Variants in CFAP418 observed in about 807,000 individuals in gnomAD.
CFAP418 encodes cilia and flagella associated protein 418.
A neutral mutation model predicts 24.7 loss-of-function variants in CFAP418; 27 were observed. That is an observed-to-expected ratio of 1.09 (90% CI 0.81 to 1.51). CFAP418 has a LOEUF of 1.51. Ranked by LOEUF, CFAP418 falls within the 40% of genes most tolerant of loss-of-function variation. The pLI, the probability that CFAP418 is intolerant of heterozygous loss-of-function variation, is 0.00. For synonymous variants in CFAP418, 74 were observed against 87.3 expected, an observed-to-expected ratio of 0.85 and a Z score of 0.85; for missense variants, 257 against 255.2, an observed-to-expected ratio of 1.01 and a Z score of -0.05.
intron 5 of CFAP418, among the ~76,000 whole-genome samples, chr8:95,249,238 C>T (rs138748189): frequency 6.6e-5 from 10 of 152,218 alleles, no homozygotes; most frequent in African/African-American, 2.2e-4. Flanking sequence ...TTAAAATGCA[C>T]GTATCTTAAA....
At chr8:95,263,980 C>T (rs1016283049) in intron 1 of CFAP418, among the ~76,000 whole-genome samples, 1 of 152,078 alleles carries the variant, frequency 6.6e-6, no homozygotes, top group Admixed American at 6.5e-5. Context: ...ATGTTCTATA[C>T]TATTACATAC....
intron 5 of CFAP418, among the ~76,000 whole-genome samples, chr8:95,249,691 A>C (rs1252601494): frequency 6.6e-6 from 1 of 152,156 alleles, no homozygotes; most frequent in East Asian, 1.9e-4. Context: ...TCTCAAAGAT[A>C]GGATACATTT....
chr8:95,268,941 G>A, intron 1 of CFAP418, 94 bp downstream of exon 1: 1 of 1,376,514 alleles, frequency 7.3e-7, no homozygotes, highest in Admixed American at 2.1e-5. Flanking sequence ...TGGAGGTCGC[G>A]GGCACGTTTC....
chr8:95,259,767 C>A, intron 4 of CFAP418, 73 bp downstream of exon 4: 1 of 1,060,656 alleles, frequency 9.4e-7, no homozygotes, highest in Non-Finnish European at 1.4e-6. Flanking sequence ...AAGATGATAA[C>A]TACATTTTAA....
At chr8:95,268,720 T>G in intron 1 of CFAP418, 1 of 174,584 alleles carries the variant, frequency 5.7e-6, no homozygotes, top group Non-Finnish European at 1.1e-5. Flanking sequence ...AGAAACAGGA[T>G]GAAGGAGACT....
intron 4 of CFAP418, among the ~76,000 whole-genome samples, chr8:95,258,330 C>G: frequency 7.2e-6 from 1 of 138,770 alleles, no homozygotes; most frequent in East Asian, 2.1e-4. Context: ...TGCAGAGAGC[C>G]GAGACTGCGC....
intron 4 of CFAP418, among the ~76,000 whole-genome samples, chr8:95,255,468 C>T (rs1587352177): frequency 1.3e-5 from 2 of 152,202 alleles, no homozygotes; most frequent in Admixed American, 1.3e-4. Flanking sequence ...GAGAAGTATT[C>T]CCTGACCCTT....
intron 4 of CFAP418, among the ~76,000 whole-genome samples, chr8:95,255,913 C>A (rs1482057061): frequency 2.6e-5 from 4 of 152,224 alleles, no homozygotes; most frequent in Non-Finnish European, 5.9e-5. Flanking sequence ...AATTCTGTTT[C>A]ATGAAAGGGG....
intron 5 of CFAP418, 134 bp downstream of exon 5, chr8:95,252,054 T>G: frequency 1.6e-6 from 1 of 626,768 alleles, no homozygotes. Flanking sequence ...TGAAGCATCA[T>G]AACGCAGCAC....
rs1335820231 is a variant in CFAP418 at position 95,269,026 on chromosome 8, C to G, written c.155+9G>C. 6.2e-7 allele frequency: 1 copy of G among 1,613,326 alleles called. No individual in the cohort carries two copies. The highest frequency in any genetic ancestry group is 8.5e-7 in the Non-Finnish European group (1 of 1,179,524). On this transcript the variant is annotated intron_variant, in intron 1 of 5. Coordinates refer to ENST00000286688, the MANE Select transcript of CFAP418 (RefSeq NM_177965.4). ...TACCAGAACAGTCCACCCCTCCCGC[C>G]CGGTTAACCTGAGCGTCTCTTTCGC...
chr8:95,262,383 T>C (rs575477024), intron 2 of CFAP418, among the ~76,000 whole-genome samples: 2 of 152,342 alleles, frequency 1.3e-5, no homozygotes, highest in East Asian at 1.9e-4. Context: ...GTGACAAAAA[T>C]GTAAGTGGTC....
chr8:95,255,317 T>C (rs973332837), intron 4 of CFAP418, among the ~76,000 whole-genome samples: 4 of 151,984 alleles, frequency 2.6e-5, no homozygotes, highest in African/African-American at 9.7e-5. Context: ...AGATACTCTC[T>C]GTTCCTTCCA....
At chr8:95,263,204 T>C (rs998454871) in intron 2 of CFAP418, among the ~76,000 whole-genome samples, 2 of 152,186 alleles carry the variant, frequency 1.3e-5, no homozygotes, top group Non-Finnish European at 2.9e-5. Context: ...GTATGTTCAG[T>C]ATATAGGTTG....
intron 1 of CFAP418, among the ~76,000 whole-genome samples, chr8:95,268,307 G>A (rs544789221): frequency 6.6e-6 from 1 of 152,038 alleles, no homozygotes; most frequent in Admixed American, 6.5e-5. Context: ...AACCGGGCTC[G>A]TGCCTGTAAT....
At chr8:95,252,663 C>A (rs967728267) in intron 4 of CFAP418, among the ~76,000 whole-genome samples, 1 of 152,196 alleles carries the variant, frequency 6.6e-6, no homozygotes, top group Non-Finnish European at 1.5e-5. Flanking sequence ...TCAGGAATAT[C>A]TCTACCGAAG....
At chr8:95,248,797 G>A (rs1233662938) in intron 5 of CFAP418, among the ~76,000 whole-genome samples, 1 of 152,102 alleles carries the variant, frequency 6.6e-6, no homozygotes, top group African/African-American at 2.4e-5. Flanking sequence ...ACGAAATACA[G>A]TATGAATACC....
intron 5 of CFAP418, among the ~76,000 whole-genome samples, chr8:95,248,187 C>T (rs970793408): frequency 1.3e-5 from 2 of 152,114 alleles, no homozygotes; most frequent in Non-Finnish European, 2.9e-5. Context: ...AACCTAGATC[C>T]CCTCACACTA....
At position 95,248,003 on chromosome 8, in the gene CFAP418, G is replaced by A. The variant is rs907570664; in HGVS notation, c.471-233C>T. Among the ~76,000 whole-genome samples the A allele has an allele frequency of 1.5e-4, 23 of 152,014 alleles. No individual in the cohort carries two copies. The South Asian group carries it at 1.9e-3, about 12-fold the overall frequency. ...ACCACAGGCATGTGCCACTATGCCC[G>A]GCTTAAAAAATTTTTTTTTGTAGAG... On this transcript the variant is annotated intron_variant, in intron 5 of 5. Transcript: ENST00000286688.
At chr8:95,265,208 C>A (rs1391269127) in intron 1 of CFAP418, among the ~76,000 whole-genome samples, 1 of 152,106 alleles carries the variant, frequency 6.6e-6, no homozygotes, top group African/African-American at 2.4e-5. Flanking sequence ...AATAATAGCA[C>A]ACCCTTCCCC....
Sources: allele counts gnomAD v4.1 joint callset (sites outside exome capture counted in the v4.1 genomes callset), GRCh38; gene constraint gnomAD v4.1.1; transcripts MANE v1.5; gene names NCBI Gene and HGNC (gene_info 2026-07-23, HGNC 2026-07-21).